C16orf78: variants seen among roughly 807,000 people sequenced by gnomAD.
C16orf78 encodes the protein uncharacterized protein C16orf78.
C16orf78 carries 19 observed loss-of-function variants against 27.3 expected under a neutral mutation model. That is an observed-to-expected ratio of 0.70 (90% CI 0.49 to 1.02). The LOEUF (loss-of-function observed/expected upper bound fraction) is 1.02. C16orf78 is among the 50% of genes least tolerant of loss of function. The pLI, the probability that C16orf78 is intolerant of heterozygous loss-of-function variation, is 0.00. For missense variants in C16orf78, 339 were observed against 337.0 expected, an observed-to-expected ratio of 1.01 and a Z score of -0.05; for synonymous variants, 130 against 116.1, an observed-to-expected ratio of 1.12 and a Z score of -0.77.
intron 3 of C16orf78, among the ~76,000 whole-genome samples, chr16:49,387,002 G>A (rs1289198339): frequency 1.3e-5 from 2 of 152,152 alleles, no homozygotes; most frequent in African/African-American, 4.8e-5. Context: ...TCTACTTTTA[G>A]TTCTTTGAGG....
chr16:49,385,439 G>A (rs1965337147), intron 3 of C16orf78, among the ~76,000 whole-genome samples: 1 of 152,098 alleles, frequency 6.6e-6, no homozygotes, highest in Non-Finnish European at 1.5e-5. Flanking sequence ...TTGGGAGGCC[G>A]AGTGGTTGGA....
rs978148313 is a variant in C16orf78 at position 49,379,449 on chromosome 16, T to A, written c.394+856T>A. Among the ~76,000 whole-genome samples, 9 of 139,202 alleles carry A rather than the reference T, an allele frequency of 6.5e-5. 1 individual carries two copies. The highest frequency in any genetic ancestry group is 2.9e-4 in the African/African-American group (9 of 30,988). The allele number at this position is 139,202 out of a possible 152,430, so 91.3% of individuals were successfully genotyped here. A position where few individuals can be genotyped will look rare whatever the true frequency, so the allele number is the denominator to read the frequency against. On this transcript the variant is annotated intron_variant, in intron 3 of 4. Coordinates refer to ENST00000299191, the MANE Select transcript of C16orf78 (RefSeq NM_144602.4). ...GGAGTCTTCAAGCAGAGGCGGTCAA[T>A]TCTCATATATAAAATTGCCCCCATT...
intron 3 of C16orf78, among the ~76,000 whole-genome samples, chr16:49,396,211 A>G (rs538632743): frequency 6.6e-6 from 1 of 152,300 alleles, no homozygotes; most frequent in African/African-American, 2.4e-5. Context: ...CACTGTGTCC[A>G]GCCTGGGCCA....
chr16:49,384,994 G>A (rs1311737451), intron 3 of C16orf78, among the ~76,000 whole-genome samples: 3 of 152,162 alleles, frequency 2.0e-5, no homozygotes, highest in Non-Finnish European at 4.4e-5. Context: ...CAAAGAGTGA[G>A]AGTTTTCATC....
In C16orf78 at chr16:49,378,562, C is replaced by T. The variant is rs769640378; in HGVS notation, c.363C>T (p.Gly121=). 7.0e-5 allele frequency: 113 copies of T among 1,613,866 alleles called. No homozygotes were observed. The highest frequency in any genetic ancestry group is 8.6e-5 in the Non-Finnish European group (101 of 1,179,918). Residue 121 remains glycine (G), a synonymous_variant, in exon 3 of 5, where the codon GGC becomes GGT. Transcript: ENST00000299191. ...QKGKHLSMVP[G]SYIKDGPKKS... ...GGAAACACCTCAGCATGGTCCCTGG[C>T]AGCTACATCAAGGATGGCCCCAAGA...
rs1965273628 is a variant in C16orf78, at chr16:49,380,534, C to A, written c.394+1941C>A. Among the ~76,000 whole-genome samples the A allele has an allele frequency of 2.0e-5, 3 of 152,250 alleles. No individual in the cohort carries two copies. In the South Asian group the frequency reaches 6.2e-4, roughly 32 times the overall value. On this transcript the variant is annotated intron_variant, in intron 3 of 4. Coordinates refer to ENST00000299191, the MANE Select transcript of C16orf78 (RefSeq NM_144602.4). ...GCTTCCAGTGGCTGCTATCTTGTCT[C>A]TTTGATTTCTCCTGAAACCTCTCAC...
In C16orf78 at chr16:49,399,351, C is replaced by A; in HGVS notation, c.*73C>A. 6.5e-7 allele frequency: 1 copy of A among 1,545,346 alleles called. No individual in the cohort carries two copies. Among genetic ancestry groups the A allele is most frequent in the Non-Finnish European group, 8.9e-7 (1 of 1,128,358 alleles). On this transcript the variant is annotated 3_prime_UTR_variant, in exon 5 of 5. Transcript: ENST00000299191. ...TTCACCTCCAGATGCCATCCTCTGG[C>A]ACACTACAAGTGGTCCTTCCAACTT... is the stretch of plus-strand genomic sequence containing the variant.
At chr16:49,395,152 C>G (rs1411022646) in intron 3 of C16orf78, among the ~76,000 whole-genome samples, 1 of 152,162 alleles carries the variant, frequency 6.6e-6, no homozygotes, top group Non-Finnish European at 1.5e-5. Flanking sequence ...CCTGCCTCAC[C>G]TCTCAAAGTG....
chr16:49,378,140 C>T (rs1279152845), intron 2 of C16orf78, among the ~76,000 whole-genome samples: 1 of 152,168 alleles, frequency 6.6e-6, no homozygotes, highest in African/African-American at 2.4e-5. Context: ...GATGAGAACA[C>T]CGTGGTTCAG....
At chr16:49,390,062 A>G (rs908889575) in intron 3 of C16orf78, among the ~76,000 whole-genome samples, 2 of 152,150 alleles carry the variant, frequency 1.3e-5, no homozygotes, top group Non-Finnish European at 2.9e-5. Flanking sequence ...TCTTCTTCCA[A>G]TACTTTAAAG....
chr16:49,378,428 G>A (rs1345301746), intron 2 of C16orf78, 42 bp from the exon 3 acceptor site: 2 of 1,543,842 alleles, frequency 1.3e-6, no homozygotes, highest in Non-Finnish European at 1.7e-6. Context: ...GGCGAGCCAG[G>A]TCCTGTAACT....
chr16:49,378,645 T>C lies in C16orf78; in HGVS notation c.394+52T>C, dbSNP rs752255683. ...ACCAGAATCCTGCTCCATAATCTCC[T>C]CCTCTAGAAGAAACCGAAAGCTCAC... On this transcript the variant is annotated intron_variant, in intron 3 of 4. Transcript: ENST00000299191. The C allele has an allele frequency of 1.7e-5, 27 of 1,608,694 alleles. No individual in the cohort carries two copies. In the Admixed American group the frequency reaches 4.6e-4, roughly 27 times the overall value.
At chr16:49,397,021 G>A (rs1425338891) in intron 4 of C16orf78, among the ~76,000 whole-genome samples, 1 of 152,192 alleles carries the variant, frequency 6.6e-6, no homozygotes. Flanking sequence ...ATTTCCCTAC[G>A]ATCCTTTGCA....
intron 4 of C16orf78, 73 bp downstream of exon 4, chr16:49,396,751 C>G: frequency 3.9e-6 from 6 of 1,534,008 alleles, no homozygotes; most frequent in Non-Finnish European, 4.4e-6. Flanking sequence ...GTCCCTGGCT[C>G]AAACACCTTG....
At chr16:49,388,926 C>A (rs186259928) in intron 3 of C16orf78, among the ~76,000 whole-genome samples, 354 of 152,234 alleles carry the variant, frequency 2.3e-3, no homozygotes, top group Middle Eastern at 6.8e-3. Flanking sequence ...TCTTTTCTTA[C>A]CGCAAAGGTA....
At chr16:49,381,653 A>T (rs2151611836) in intron 3 of C16orf78, among the ~76,000 whole-genome samples, 1 of 151,838 alleles carries the variant, frequency 6.6e-6, no homozygotes, top group African/African-American at 2.4e-5. Context: ...GCCAAAAAAC[A>T]CATGAAAAAA....
chr16:49,392,457 C>A (rs7184395), intron 3 of C16orf78, among the ~76,000 whole-genome samples: 116 of 152,024 alleles, frequency 7.6e-4, no homozygotes, highest in African/African-American at 2.7e-3. Flanking sequence ...AAGTTTATGA[C>A]AAAAGGAAAA....
intron 3 of C16orf78, among the ~76,000 whole-genome samples, chr16:49,380,950 C>T (rs1167877960): frequency 1.7e-4 from 26 of 151,314 alleles, no homozygotes; most frequent in African/African-American, 5.6e-4. Flanking sequence ...TGTAGATATG[C>T]GGCATTATTT....
At chr16:49,395,836 G>A (rs1965464476) in intron 3 of C16orf78, among the ~76,000 whole-genome samples, 1 of 152,172 alleles carries the variant, frequency 6.6e-6, no homozygotes, top group Non-Finnish European at 1.5e-5. Context: ...TCCTGCTGGG[G>A]AGGATGGAGA....
Sources: allele counts gnomAD v4.1 joint callset (sites outside exome capture counted in the v4.1 genomes callset), GRCh38; gene constraint gnomAD v4.1.1; transcripts MANE v1.5; gene names NCBI Gene and HGNC (gene_info 2026-07-23, HGNC 2026-07-21).